The following ZKSCAN5 variants were observed in gnomAD, a reference collection of about 807,000 sequenced individuals.
ZKSCAN5 encodes zinc finger with KRAB and SCAN domains 5, also known as zinc finger protein with KRAB and SCAN domains 5.
In ZKSCAN5, 28 loss-of-function variants were observed where a neutral mutation model predicts 60.0. The ratio of observed to expected loss-of-function variants is 0.47; its 90% CI spans 0.35 to 0.64. ZKSCAN5 has a LOEUF of 0.64. ZKSCAN5 is among the 30% of genes least tolerant of loss of function. The pLI is 0.01. For missense variants in ZKSCAN5, 881 were observed against 1,034.6 expected (o/e 0.85, Z 2.04); for synonymous variants, 361 against 371.2 (o/e 0.97, Z 0.31).
chr7:99,525,861 A>G lies in ZKSCAN5; in HGVS notation c.821A>G (p.Asp274Gly). 1 of 1,613,918 alleles carries G rather than the reference A, an allele frequency of 6.2e-7. No homozygotes were observed. The highest frequency in any genetic ancestry group is 8.5e-7 in the Non-Finnish European group (1 of 1,179,932). The change falls in exon 6 of 7, where the codon GAT (aspartate) becomes GGT (glycine). Residue 274 changes from aspartate to glycine, a missense_variant. Coordinates refer to ENST00000326775, the MANE Select transcript of ZKSCAN5 (RefSeq NM_145102.4). ...GAGCTCATAGTGAAGCAGATTTCTGATGACTCTGAATCACACTGGGTGGCG... is the reference window on the plus strand; with the variant it reads ...GAGCTCATAGTGAAGCAGATTTCTGGTGACTCTGAATCACACTGGGTGGCG... ...NMELIVKQIS[D>G]DSESHWVAPE...
intron 5 of ZKSCAN5, among the ~76,000 whole-genome samples, chr7:99,525,474 AACAC>A (rs1341721028): frequency 6.6e-6 from 1 of 152,080 alleles, no homozygotes; most frequent in African/African-American, 2.4e-5. Flanking sequence ...CCTGTCTCAA[AACAC>A]ACACATACAC....
At chr7:99,512,247 T>C (rs1027238759) in intron 2 of ZKSCAN5, among the ~76,000 whole-genome samples, 3 of 152,328 alleles carry the variant, frequency 2.0e-5, no homozygotes, top group Non-Finnish European at 4.4e-5. Flanking sequence ...TATGTATTTA[T>C]TTGTGTTTTG....
At chr7:99,507,919 AAG>A (rs1800839876) in intron 2 of ZKSCAN5, among the ~76,000 whole-genome samples, 1 of 152,010 alleles carries the variant, frequency 6.6e-6, no homozygotes, top group East Asian at 1.9e-4. Context: ...AAAAAGTAAA[AAG>A]TTAAAAAAAT....
Position 99,519,906 on chromosome 7 carries a change from C to G in ZKSCAN5, c.633C>G (p.Ser211=). ...ELTASLLSTG[S]QKLVKIEEVA... Reference sequence around the variant, plus strand: ...CAGCTTCACTTCTCTCAACTGGGTCCCAGGTGAGCTGGTGCCCCTTTGCCC... The same window carrying G: ...CAGCTTCACTTCTCTCAACTGGGTCGCAGGTGAGCTGGTGCCCCTTTGCCC... Residue 211 remains serine, a synonymous_variant, in exon 4 of 7, where the codon TCC becomes TCG. Coordinates refer to ENST00000326775, the MANE Select transcript of ZKSCAN5 (RefSeq NM_145102.4). 6.2e-7 allele frequency: 1 copy of G among 1,614,124 alleles called. No individual in the cohort carries two copies.
intron 3 of ZKSCAN5, among the ~76,000 whole-genome samples, chr7:99,512,944 A>G (rs1801107713): frequency 6.6e-6 from 1 of 150,910 alleles, no homozygotes; most frequent in Non-Finnish European, 1.5e-5. Flanking sequence ...GTCATCTAGC[A>G]TTAGGTATAT....
intron 3 of ZKSCAN5, among the ~76,000 whole-genome samples, chr7:99,519,090 C>T (rs182992307): frequency 4.0e-5 from 6 of 151,682 alleles, no homozygotes; most frequent in Admixed American, 4.0e-4. Context: ...ATTCTCCTGC[C>T]TCAGCCTCTT....
intron 2 of ZKSCAN5, 145 bp downstream of exon 2, chr7:99,506,603 A>G (rs1158762431): frequency 1.1e-6 from 1 of 875,550 alleles, no homozygotes; most frequent in East Asian, 2.7e-5. Context: ...CTGCCACTCC[A>G]GCAAAGAGAA....
rs768262591 is a variant in ZKSCAN5 at position 99,533,282 on chromosome 7, C to T, written c.*1033C>T. On this transcript the variant is annotated 3_prime_UTR_variant, in exon 7 of 7. Transcript: ENST00000326775. The stretch of plus-strand genomic sequence containing the variant: ...CAGGCAGGCAGGAGGTCCTGTTAGC[C>T]CTGCCTTCCAGGAAGGTTGGGGTGG... 4.4e-6 allele frequency: 3 copies of T among 679,938 alleles called. No homozygotes were observed. In the South Asian group the frequency reaches 4.6e-5, roughly 10 times the overall value. 42.1% of individuals were successfully genotyped at this position (679,938 alleles called of 1,614,324 possible).
intron 3 of ZKSCAN5, among the ~76,000 whole-genome samples, chr7:99,515,833 CAA>C (rs1165846971): frequency 5.4e-4 from 36 of 66,700 alleles, no homozygotes; most frequent in African/African-American, 7.9e-4. Context: ...GACTCCATCT[CAA>C]AAAAAAAAAA....
chr7:99,511,552 C>T (rs939294687), intron 2 of ZKSCAN5, among the ~76,000 whole-genome samples: 1 of 151,922 alleles, frequency 6.6e-6, no homozygotes, highest in Non-Finnish European at 1.5e-5. Context: ...AAGCGATCCT[C>T]GCACCTCAGC....
chr7:99,526,702 G>A (rs997137625), intron 6 of ZKSCAN5, among the ~76,000 whole-genome samples: 7 of 152,196 alleles, frequency 4.6e-5, no homozygotes, highest in Admixed American at 1.3e-4. Context: ...CAACAGGCGC[G>A]CACCAGCATG....
chr7:99,527,442 T>G (rs1289346970), intron 6 of ZKSCAN5, among the ~76,000 whole-genome samples: 1 of 151,970 alleles, frequency 6.6e-6, no homozygotes, highest in Non-Finnish European at 1.5e-5. Context: ...CCCTAACTAA[T>G]AGAACTGTTA....
chr7:99,504,790 C>T (rs1800634341), intron 1 of ZKSCAN5, 57 bp downstream of exon 1: 1 of 152,370 alleles, frequency 6.6e-6, no homozygotes, highest in Admixed American at 6.5e-5. Context: ...TGAAGAAAAC[C>T]TAAGGGCCCC....
Position 99,510,732 on chromosome 7 carries a change from CT to C in ZKSCAN5, c.415-1720del, listed in dbSNP as rs1800983459. On this transcript the variant is annotated intron_variant, in intron 2 of 6. Coordinates refer to ENST00000326775, the MANE Select transcript of ZKSCAN5 (RefSeq NM_145102.4). ...GTACTGGGATTACAGGCATGAGCCA[CT>C]GCGCCTGGCCTATTTATTTATTTTT... Among the ~76,000 whole-genome samples, 5 of 152,192 alleles carry C rather than the reference CT, an allele frequency of 3.3e-5. No individual in the cohort carries two copies. The South Asian group carries it at 1.0e-3, about 32-fold the overall frequency.
intron 3 of ZKSCAN5, among the ~76,000 whole-genome samples, chr7:99,514,537 C>T (rs1402624717): frequency 6.6e-6 from 1 of 151,882 alleles, no homozygotes; most frequent in Non-Finnish European, 1.5e-5. Flanking sequence ...TTTTGGAGGC[C>T]AAAGCAGGTG....
chr7:99,523,567 C>T (rs1318059315), intron 5 of ZKSCAN5, among the ~76,000 whole-genome samples: 1 of 152,122 alleles, frequency 6.6e-6, no homozygotes, highest in Non-Finnish European at 1.5e-5. Flanking sequence ...GATTGTGCTG[C>T]TGTGTTCCAG....
chr7:99,516,135 G>A (rs1467195213), intron 3 of ZKSCAN5, among the ~76,000 whole-genome samples: 2 of 151,878 alleles, frequency 1.3e-5, no homozygotes, highest in African/African-American at 2.4e-5. Flanking sequence ...GTGCCACCAC[G>A]CCTGGCCACA....
rs755178455 is a variant in ZKSCAN5 at position 99,506,008 on chromosome 7, AAC to A, written c.-33_-32del. On this transcript the variant is annotated 5_prime_UTR_variant, in exon 2 of 7. Transcript: ENST00000326775. ...AGCAGAAAAACAATTGTTTCAGTGT[AAC>A]ACAGCCAGCCTCGAAGACTTCCCTC... The A allele has an allele frequency of 5.6e-6, 9 of 1,599,082 alleles. No homozygotes were observed. The highest frequency in any genetic ancestry group is 7.7e-6 in the Non-Finnish European group (9 of 1,171,534).
chr7:99,533,017 C>T lies in ZKSCAN5; in HGVS notation c.*768C>T, dbSNP rs1802120249. 1 of 220,728 alleles carries T rather than the reference C, an allele frequency of 4.5e-6. No homozygotes were observed. The highest frequency in any genetic ancestry group is 9.9e-6 in the Non-Finnish European group (1 of 101,476). 13.7% of individuals were successfully genotyped at this position (220,728 alleles called of 1,614,324 possible). The stretch of plus-strand genomic sequence containing the variant: ...CATCTTACGGCGAAGGGAGAGGGAC[C>T]TTAGGGGAGCAGAGAAGACAGGCAA... On this transcript the variant is annotated 3_prime_UTR_variant, in exon 7 of 7. Coordinates refer to ENST00000326775, the MANE Select transcript of ZKSCAN5 (RefSeq NM_145102.4).
Sources: gnomAD v4.1 joint callset for allele counts (sites outside exome capture counted in the v4.1 genomes callset) on GRCh38, gnomAD v4.1.1 for gene constraint, MANE v1.5 for transcripts, NCBI Gene and HGNC (gene_info 2026-07-23, HGNC 2026-07-21) for gene names.